The following ANGPT4 variants were observed in gnomAD, a reference collection of about 807,000 sequenced individuals.
The protein encoded by ANGPT4 is angiopoietin 4.
A neutral mutation model predicts 53.0 loss-of-function variants in ANGPT4; 50 were observed. The observed-to-expected ratio is 0.94, with a 90% CI of 0.75 to 1.20. The LOEUF is 1.20. ANGPT4 is among the 50% of genes most tolerant of loss of function. The probability of loss-of-function intolerance (pLI) is 0.00; values close to 1 mark genes in which losing one functional copy is unlikely to be tolerated. For synonymous variants in ANGPT4, 251 were observed against 259.7 expected (o/e 0.97, Z 0.32); for missense variants, 648 against 637.1 (o/e 1.02, Z -0.18).
Position 870,086 on chromosome 20 carries a change from C to T in ANGPT4, c.*2874G>A, listed in dbSNP as rs1451460289. On this transcript the variant is annotated 3_prime_UTR_variant, in exon 9 of 9. Transcript: ENST00000381922. ...AGAGGTGGAGCTGACATCATTTGAG[C>T]CTCTGGATCTAACCTCACTTGCCTT... is the stretch of plus-strand genomic sequence containing the variant. 2 of 152,290 alleles carry T rather than the reference C, an allele frequency of 1.3e-5. No individual in the cohort carries two copies. Among genetic ancestry groups the T allele is most frequent in the Admixed American group, 1.3e-4 (2 of 15,288 alleles). 9.4% of individuals were successfully genotyped at this position (152,290 alleles called of 1,614,324 possible).
Position 914,091 on chromosome 20 carries a change from T to C in ANGPT4, c.309+1815A>G, listed in dbSNP as rs1281097275. On this transcript the variant is annotated intron_variant, in intron 1 of 8. Transcript: ENST00000381922. This position sits in a 1 kb window ranked among gnomAD's most constrained non-coding sequence, Gnocchi z 5.0. ...GAGAGATTGGAAGGACATTTATGCA[T>C]TCATGCATTCACTCATGCTACAGAC... 6.6e-6 allele frequency among the ~76,000 whole-genome samples: 1 copy of C among 152,122 alleles called. No homozygotes were observed. The highest frequency in any genetic ancestry group is 1.5e-5 in the Non-Finnish European group (1 of 68,012).
intron 1 of ANGPT4, among the ~76,000 whole-genome samples, chr20:899,778 T>G (rs1982216075): frequency 6.6e-6 from 1 of 152,202 alleles, no homozygotes; most frequent in African/African-American, 2.4e-5. Context: ...ATCTCAAAGA[T>G]GCTTTCTTTA....
chr20:901,425 A>G (rs750896351), intron 1 of ANGPT4, among the ~76,000 whole-genome samples: 2 of 152,036 alleles, frequency 1.3e-5, no homozygotes, highest in Non-Finnish European at 2.9e-5. Flanking sequence ...ACAAGAGAAC[A>G]ACCCCCTTTA....
At chr20:897,064 C>T (rs1015328066) in intron 1 of ANGPT4, among the ~76,000 whole-genome samples, 10 of 152,190 alleles carry the variant, frequency 6.6e-5, no homozygotes, top group Non-Finnish European at 1.0e-4. Context: ...TGCCCCTGCC[C>T]GCCAGAGAAC....
In ANGPT4 at chr20:888,312, A is replaced by G. The variant is rs757133910; in HGVS notation, c.587+6T>C. 2 of 1,611,974 alleles carry G rather than the reference A, an allele frequency of 1.2e-6. No individual in the cohort carries two copies. Among genetic ancestry groups the G allele is most frequent in the South Asian group, 2.2e-5 (2 of 90,912 alleles). ...GTCCTAGTCTGGTGCCAGGTGCCAC[A>G]CCCACCTGTTTTGGCCCTGAAGCTG... is the stretch of plus-strand genomic sequence containing the variant. On this transcript the variant is annotated splice_donor_region_variant and intron_variant, in intron 3 of 8. Coordinates refer to ENST00000381922, the MANE Select transcript of ANGPT4 (RefSeq NM_015985.4).
intron 2 of ANGPT4, 78 bp downstream of exon 2, chr20:890,135 C>T (rs1981775339): frequency 6.5e-7 from 1 of 1,537,520 alleles, no homozygotes; most frequent in Non-Finnish European, 8.8e-7. Flanking sequence ...GGTCAGAGAT[C>T]AAGGTAAGAT....
chr20:883,248 T>C (rs1436095602), intron 4 of ANGPT4, among the ~76,000 whole-genome samples: 2 of 152,238 alleles, frequency 1.3e-5, no homozygotes, highest in Admixed American at 1.3e-4. Flanking sequence ...CTACACATCT[T>C]CCTTTGGATT....
rs529910266 is a variant in ANGPT4 at position 911,272 on chromosome 20, G to T, written c.309+4634C>A. Reference sequence around the variant, plus strand: ...AGTTATTCTGAGGTTTGATGTCAGAGACCTGGAGCAAACAGCAGAGGCTGG... The same window carrying T: ...AGTTATTCTGAGGTTTGATGTCAGATACCTGGAGCAAACAGCAGAGGCTGG... On this transcript the variant is annotated intron_variant, in intron 1 of 8. Coordinates refer to ENST00000381922, the MANE Select transcript of ANGPT4 (RefSeq NM_015985.4). This position sits in a 1 kb window ranked among gnomAD's most constrained non-coding sequence, Gnocchi z 4.9. Among the ~76,000 whole-genome samples, 2 of 152,366 alleles carry T rather than the reference G, an allele frequency of 1.3e-5. No homozygotes were observed. Among genetic ancestry groups the T allele is most frequent in the Non-Finnish European group, 2.9e-5 (2 of 68,038 alleles).
intron 1 of ANGPT4, among the ~76,000 whole-genome samples, chr20:899,084 A>C (rs1453510936): frequency 6.6e-6 from 1 of 152,160 alleles, no homozygotes; most frequent in Non-Finnish European, 1.5e-5. Flanking sequence ...TAACTCTTAC[A>C]GTGGAGGGTA....
In ANGPT4 at chr20:908,119, T is replaced by A. The variant is rs1982551389; in HGVS notation, c.309+7787A>T. Among the ~76,000 whole-genome samples, 1 of 152,116 alleles carries A rather than the reference T, an allele frequency of 6.6e-6. No individual in the cohort carries two copies. Among genetic ancestry groups the A allele is most frequent in the Non-Finnish European group, 1.5e-5 (1 of 68,022 alleles). On this transcript the variant is annotated intron_variant, in intron 1 of 8. Transcript: ENST00000381922. This position sits in a 1 kb window ranked among gnomAD's most constrained non-coding sequence, Gnocchi z 4.9. The stretch of plus-strand genomic sequence containing the variant: ...GGATAAGATTAGGGTCAGACAAAGA[T>A]GGTGGAAGCTGGCTCAGAGGTCCAC...
chr20:879,500 AT>A (rs1338539011), intron 6 of ANGPT4, among the ~76,000 whole-genome samples: 2 of 152,202 alleles, frequency 1.3e-5, no homozygotes, highest in South Asian at 2.1e-4. Flanking sequence ...ATGTATATGT[AT>A]TTTTTTAAAA....
In ANGPT4 at chr20:873,747, A is replaced by C. The variant is rs192126903; in HGVS notation, c.1351+537T>G. Among the ~76,000 whole-genome samples the C allele has an allele frequency of 4.9e-4, 74 of 151,958 alleles. 1 individual carries two copies. In the East Asian group the frequency reaches 7.9e-3, roughly 16 times the overall value. ...CAGTATAGCTCTCCATCTGCTGCTC[A>C]ATGACTCTGACAGCCTTGGTGTCTC... On this transcript the variant is annotated intron_variant, in intron 8 of 8. Transcript: ENST00000381922.
chr20:892,324 G>A (rs751923380), intron 1 of ANGPT4, among the ~76,000 whole-genome samples: 7 of 152,100 alleles, frequency 4.6e-5, no homozygotes, highest in Non-Finnish European at 1.0e-4. Flanking sequence ...GGCCAGGTGC[G>A]GTGGCTCACA....
intron 1 of ANGPT4, among the ~76,000 whole-genome samples, chr20:894,323 C>T (rs1291949764): frequency 6.6e-6 from 1 of 152,156 alleles, no homozygotes; most frequent in African/African-American, 2.4e-5. Context: ...TCTCAGTCCC[C>T]CTCTCAACAG....
At chr20:890,420 T>G (rs1394499901) in intron 1 of ANGPT4, 52 bp from the exon 2 acceptor site, 3 of 1,526,766 alleles carry the variant, frequency 2.0e-6, no homozygotes, top group African/African-American at 1.4e-5. Flanking sequence ...GGAAGCCCCC[T>G]GTCCCTCCCA....
chr20:875,756 A>G (rs1381007112), intron 7 of ANGPT4, among the ~76,000 whole-genome samples: 1 of 152,098 alleles, frequency 6.6e-6, no homozygotes, highest in Non-Finnish European at 1.5e-5. Context: ...GTTGGAGAGA[A>G]TGCGGGGTGT....
intron 1 of ANGPT4, among the ~76,000 whole-genome samples, chr20:912,402 G>A (rs1445117414): frequency 6.6e-6 from 1 of 152,216 alleles, no homozygotes; most frequent in African/African-American, 2.4e-5. Flanking sequence ...GACAGAGGAG[G>A]TCATGTGACT....
At chr20:912,155 T>G (rs1438144835) in intron 1 of ANGPT4, among the ~76,000 whole-genome samples, 1 of 152,060 alleles carries the variant, frequency 6.6e-6, no homozygotes, top group Non-Finnish European at 1.5e-5. Flanking sequence ...TGTGGGGCCA[T>G]GAAGAGAAGG....
chr20:878,760 T>C (rs141772913), intron 6 of ANGPT4, among the ~76,000 whole-genome samples: 175 of 152,334 alleles, frequency 1.1e-3, no homozygotes, highest in East Asian at 4.6e-3. Context: ...TAGACACATG[T>C]ACGTTAAACC....
Sources: gnomAD v4.1 joint callset for allele counts (sites outside exome capture counted in the v4.1 genomes callset) on GRCh38, gnomAD v4.1.1 for gene constraint, Gnocchi (gnomAD v3.1) non-coding constraint, MANE v1.5 for transcripts, NCBI Gene and HGNC (gene_info 2026-07-23, HGNC 2026-07-21) for gene names.